TAFA5: variants seen among roughly 807,000 people sequenced by gnomAD.
TAFA5 encodes the protein chemokine-like protein TAFA-5.
A neutral mutation model predicts 15.3 loss-of-function variants in TAFA5; 6 were observed. That is an observed-to-expected ratio of 0.39 (90% CI 0.21 to 0.77). The LOEUF (loss-of-function observed/expected upper bound fraction) is 0.77. Ranked by LOEUF, TAFA5 falls within the 30% of genes least tolerant of loss-of-function variation. The pLI is 0.41. For missense variants in TAFA5, 161 were observed against 193.1 expected (o/e 0.83, Z 0.98); for synonymous variants, 103 against 80.7 (o/e 1.28, Z -1.48).
chr22:48,662,886 G>C (rs1927493974), intron 2 of TAFA5, among the ~76,000 whole-genome samples: 1 of 152,208 alleles, frequency 6.6e-6, no homozygotes, highest in Non-Finnish European at 1.5e-5. Flanking sequence ...CTCCCTATGA[G>C]GCTGCCTGTG....
chr22:48,739,180 G>T (rs1206451025), intron 3 of TAFA5, among the ~76,000 whole-genome samples: 2 of 152,134 alleles, frequency 1.3e-5, no homozygotes, highest in African/African-American at 4.8e-5. Context: ...ACTTCTCAAA[G>T]ACCCAAAGAT....
rs1297065101 is a variant in TAFA5, at chr22:48,548,345, G to A, written c.112+58641G>A. Among the ~76,000 whole-genome samples the A allele has an allele frequency of 8.5e-5, 13 of 152,302 alleles. No homozygotes were observed. The East Asian group carries it at 1.2e-3, about 14-fold the overall frequency. ...CCCTGCCCTCCTGCTCCCTCGCCCC[G>A]CCGACTGTGGAGATGACTCGTCCTG... On this transcript the variant is annotated intron_variant, in intron 1 of 3. Transcript: ENST00000402357.
intron 1 of TAFA5, among the ~76,000 whole-genome samples, chr22:48,571,783 G>A (rs1288919695): frequency 6.6e-6 from 1 of 151,536 alleles, no homozygotes; most frequent in Non-Finnish European, 1.5e-5. Flanking sequence ...ATAAATGAAA[G>A]TTGGATGTTT....
chr22:48,615,064 AG>A (rs1925548748), intron 1 of TAFA5, among the ~76,000 whole-genome samples: 1 of 152,160 alleles, frequency 6.6e-6, no homozygotes, highest in South Asian at 2.1e-4. Context: ...ACCAGATTCT[AG>A]GAAGTACTCG....
chr22:48,548,136 G>A (rs1437827025), intron 1 of TAFA5, among the ~76,000 whole-genome samples: 1 of 152,190 alleles, frequency 6.6e-6, no homozygotes, highest in African/African-American at 2.4e-5. Flanking sequence ...AGGCCCGGGG[G>A]TGCCTGATGG....
chr22:48,643,038 G>A (rs1470424084), intron 1 of TAFA5, among the ~76,000 whole-genome samples: 1 of 152,184 alleles, frequency 6.6e-6, no homozygotes, highest in East Asian at 1.9e-4. Context: ...GGTGAGTCCT[G>A]GGCCAGCCCC....
intron 1 of TAFA5, among the ~76,000 whole-genome samples, chr22:48,596,086 C>T (rs755111948): frequency 1.3e-5 from 2 of 152,206 alleles, no homozygotes; most frequent in Non-Finnish European, 2.9e-5. Flanking sequence ...ACAGGTTTAA[C>T]AAGGAGCGTA....
rs73423871 is a variant in TAFA5 at position 48,542,931 on chromosome 22, G to A, written c.112+53227G>A. 1.9e-3 allele frequency among the ~76,000 whole-genome samples: 292 copies of A among 151,062 alleles called. 1 individual carries two copies. The highest frequency in any genetic ancestry group is 6.9e-3 in the African/African-American group (283 of 41,086). On this transcript the variant is annotated intron_variant, in intron 1 of 3. Transcript: ENST00000402357. ...ATAGTGATATGTGTACTGGTGTACT[G>A]TCTGGGGTGTATAGTCTGTGGTGTG... is the stretch of plus-strand genomic sequence containing the variant.
chr22:48,594,281 G>T (rs1050766973), intron 1 of TAFA5, among the ~76,000 whole-genome samples: 1 of 152,242 alleles, frequency 6.6e-6, no homozygotes, highest in East Asian at 1.9e-4. Context: ...GGCTTTGGCT[G>T]TCTGACCCAC....
intron 1 of TAFA5, among the ~76,000 whole-genome samples, chr22:48,514,327 G>A (rs927825115): frequency 6.6e-6 from 1 of 152,142 alleles, no homozygotes; most frequent in African/African-American, 2.4e-5. Flanking sequence ...AAGGCCAACC[G>A]ATTATTTTTA....
chr22:48,521,187 C>T (rs1282857874), intron 1 of TAFA5, among the ~76,000 whole-genome samples: 2 of 152,198 alleles, frequency 1.3e-5, no homozygotes, highest in Admixed American at 6.5e-5. Flanking sequence ...GCTCCTCTGG[C>T]TTCATTTACC....
At chr22:48,532,378 T>G (rs1464689813) in intron 1 of TAFA5, among the ~76,000 whole-genome samples, 2 of 152,272 alleles carry the variant, frequency 1.3e-5, no homozygotes, top group Admixed American at 1.3e-4. Context: ...GAGTACATGT[T>G]GGAAACACGT....
At chr22:48,628,293 G>C (rs1217544842) in intron 1 of TAFA5, among the ~76,000 whole-genome samples, 4 of 152,194 alleles carry the variant, frequency 2.6e-5, no homozygotes, top group African/African-American at 9.6e-5. Flanking sequence ...AGCTTGTGGG[G>C]GTGTCAGAGG....
intron 1 of TAFA5, among the ~76,000 whole-genome samples, chr22:48,575,542 C>T (rs1389456234): frequency 6.9e-6 from 1 of 145,852 alleles, no homozygotes; most frequent in Admixed American, 6.8e-5. Context: ...GGAGCAGCGG[C>T]GTCCCGCGGG....
At chr22:48,728,753 A>G (rs1264966318) in intron 3 of TAFA5, among the ~76,000 whole-genome samples, 2 of 152,262 alleles carry the variant, frequency 1.3e-5, no homozygotes, top group Non-Finnish European at 2.9e-5. Context: ...CAAAGAGGAG[A>G]AAACAGCTGG....
chr22:48,729,291 A>ATATTTATTTATAAATATATAATAT (rs1929795434), intron 3 of TAFA5, among the ~76,000 whole-genome samples: 1 of 35,680 alleles, frequency 2.8e-5, no homozygotes, highest in African/African-American at 7.9e-5. Flanking sequence ...ATATATAATA[A>ATATTTATTTATAAATATATAATAT]TTTTATATTT....
chr22:48,686,933 T>C (rs920059545), intron 2 of TAFA5, among the ~76,000 whole-genome samples: 2 of 127,076 alleles, frequency 1.6e-5, no homozygotes, highest in African/African-American at 5.9e-5. Flanking sequence ...GATGGATGGA[T>C]GGATGGATTG....
At chr22:48,497,508 G>T (rs1318692344) in intron 1 of TAFA5, among the ~76,000 whole-genome samples, 1 of 146,672 alleles carries the variant, frequency 6.8e-6, no homozygotes, top group Non-Finnish European at 1.5e-5. Flanking sequence ...CGGGGCTGAG[G>T]CCTGGGGGCG....
At chr22:48,644,077 C>T (rs1261497269) in intron 1 of TAFA5, among the ~76,000 whole-genome samples, 1 of 152,236 alleles carries the variant, frequency 6.6e-6, no homozygotes, top group Non-Finnish European at 1.5e-5. Flanking sequence ...GCACCTCATC[C>T]TCCCGGATGC....
Sources: gnomAD v4.1 joint callset for allele counts (sites outside exome capture counted in the v4.1 genomes callset) on GRCh38, gnomAD v4.1.1 for gene constraint, MANE v1.5 for transcripts, NCBI Gene and HGNC (gene_info 2026-07-23, HGNC 2026-07-21) for gene names.